Variants in STIM2 observed in about 807,000 individuals in gnomAD.
STIM2 encodes stromal interaction molecule 2.
STIM2 carries 31 observed loss-of-function variants against 85.8 expected under a neutral mutation model. The observed-to-expected ratio is 0.36, with a 90% confidence interval of 0.27 to 0.49. The LOEUF is 0.49. STIM2 is among the 20% of genes least tolerant of loss of function. The pLI, the probability that STIM2 is intolerant of heterozygous loss-of-function variation, is 0.98. For missense variants in STIM2, 841 were observed against 927.6 expected (o/e 0.91, Z 1.21); for synonymous variants, 356 against 331.1 (o/e 1.08, Z -0.82).
intron 1 of STIM2, among the ~76,000 whole-genome samples, chr4:26,862,318 GTT>G (rs71186494): frequency 0.26 from 37,200 of 145,488 alleles, 5,229 homozygotes; most frequent in Middle Eastern, 0.38. Flanking sequence ...TAAAATAATG[GTT>G]TTTTTTTTTT....
intron 1 of STIM2, among the ~76,000 whole-genome samples, chr4:26,874,610 TA>T (rs2109031399): frequency 6.6e-6 from 1 of 152,328 alleles, no homozygotes; most frequent in Non-Finnish European, 1.5e-5. Flanking sequence ...TTTTCGAGTT[TA>T]GGGAAATAAA....
At chr4:26,916,394 A>G (rs1223657707) in intron 1 of STIM2, among the ~76,000 whole-genome samples, 1 of 152,142 alleles carries the variant, frequency 6.6e-6, no homozygotes, top group Non-Finnish European at 1.5e-5. Flanking sequence ...CCTTGGAGGC[A>G]TGGTCTGTTG....
chr4:26,896,942 C>T (rs1247802084), intron 1 of STIM2, among the ~76,000 whole-genome samples: 1 of 152,148 alleles, frequency 6.6e-6, no homozygotes, highest in Admixed American at 6.5e-5. Context: ...TTAATGGAAT[C>T]CTAGATTATG....
intron 1 of STIM2, among the ~76,000 whole-genome samples, chr4:26,908,824 C>T (rs1464198183): frequency 6.6e-6 from 1 of 152,152 alleles, no homozygotes; most frequent in East Asian, 1.9e-4. Flanking sequence ...GCTCTATTTC[C>T]ACTTTATCCT....
chr4:26,960,878 A>G (rs1189015998), intron 3 of STIM2, among the ~76,000 whole-genome samples: 2 of 152,156 alleles, frequency 1.3e-5, no homozygotes, highest in African/African-American at 2.4e-5. Context: ...AGCCTGGCCA[A>G]CATGGCAAAA....
chr4:27,005,280 G>A (rs568899991), intron 7 of STIM2, among the ~76,000 whole-genome samples: 19 of 152,264 alleles, frequency 1.2e-4, no homozygotes, highest in Middle Eastern at 3.4e-3. Context: ...TATGTTTTGT[G>A]TGATTTAAGT....
chr4:26,894,258 A>G (rs1723611242), intron 1 of STIM2, among the ~76,000 whole-genome samples: 1 of 151,642 alleles, frequency 6.6e-6, no homozygotes, highest in Non-Finnish European at 1.5e-5. Flanking sequence ...TTGTCTTTTT[A>G]TATACTTATG....
Position 26,860,893 on chromosome 4 carries a change from C to T in STIM2, c.-326C>T. ...GCAGCAGCGCGGGTGTCGTGCACCG[C>T]CTGAAGACGCCGTACCTTTCTACCC... is the stretch of plus-strand genomic sequence containing the variant. On this transcript the variant is annotated 5_prime_UTR_variant, in exon 1 of 12. Transcript: ENST00000467087. The T allele has an allele frequency of 1.9e-6, 2 of 1,042,726 alleles. No individual in the cohort carries two copies. The highest frequency in any genetic ancestry group is 2.4e-6 in the Non-Finnish European group (2 of 848,358). The allele number at this position is 1,042,726 out of a possible 1,614,324, so 64.6% of individuals were successfully genotyped here. A position where few individuals can be genotyped will look rare whatever the true frequency, so the allele number is the denominator to read the frequency against.
chr4:27,004,489 C>T (rs35499018), intron 7 of STIM2, among the ~76,000 whole-genome samples: 1 of 151,796 alleles, frequency 6.6e-6, no homozygotes, highest in African/African-American at 2.4e-5. Context: ...TGGTATATTT[C>T]TGTCTTTCTA....
chr4:26,873,794 G>T, intron 1 of STIM2: 2 of 854,314 alleles, frequency 2.3e-6, no homozygotes, highest in Non-Finnish European at 3.9e-6. Context: ...TCTGTCAAGG[G>T]GTAAGGGGCT....
intron 1 of STIM2, among the ~76,000 whole-genome samples, chr4:26,896,620 A>C (rs911049892): frequency 1.3e-5 from 2 of 152,190 alleles, no homozygotes; most frequent in African/African-American, 4.8e-5. Flanking sequence ...TGAATCTTCC[A>C]ATTTTAAAAT....
chr4:26,898,661 C>T (rs531949754), intron 1 of STIM2, among the ~76,000 whole-genome samples: 3 of 152,204 alleles, frequency 2.0e-5, no homozygotes, highest in African/African-American at 7.2e-5. Flanking sequence ...AGGAGAAATG[C>T]TCATTTTTTT....
intron 2 of STIM2, among the ~76,000 whole-genome samples, chr4:26,956,782 G>A (rs1726259552): frequency 6.6e-6 from 1 of 152,118 alleles, no homozygotes; most frequent in Non-Finnish European, 1.5e-5. Flanking sequence ...AAAAATGAAT[G>A]CAGTGATATT....
chr4:26,933,555 CTG>C (rs1318325799), intron 2 of STIM2, among the ~76,000 whole-genome samples: 1 of 151,854 alleles, frequency 6.6e-6, no homozygotes, highest in Non-Finnish European at 1.5e-5. Context: ...TTTTTCCAAA[CTG>C]TTTTTATATT....
intron 1 of STIM2, among the ~76,000 whole-genome samples, chr4:26,895,423 A>T (rs10805267): frequency 1.3e-4 from 20 of 152,284 alleles, no homozygotes; most frequent in East Asian, 3.9e-4. Context: ...CCAATGTTTA[A>T]AATAACAAAT....
chr4:26,874,806 ATG>A (rs1190928237), intron 1 of STIM2, among the ~76,000 whole-genome samples: 5 of 152,198 alleles, frequency 3.3e-5, no homozygotes, highest in African/African-American at 1.2e-4. Flanking sequence ...AAATGTTTGA[ATG>A]TCTGCTGTGT....
At chr4:26,875,031 T>G (rs971250454) in intron 1 of STIM2, among the ~76,000 whole-genome samples, 2 of 152,230 alleles carry the variant, frequency 1.3e-5, no homozygotes, top group Non-Finnish European at 2.9e-5. Context: ...GCAGATTCCT[T>G]TAATTGAAGC....
intron 5 of STIM2, 101 bp from the exon 6 acceptor site, chr4:27,002,116 A>G (rs1293824136): frequency 2.7e-6 from 3 of 1,092,140 alleles, no homozygotes; most frequent in Non-Finnish European, 3.8e-6. Flanking sequence ...GAGATCTCCA[A>G]TTTTTGGTTT....
chr4:26,921,090 A>G (rs1013232446), intron 2 of STIM2, among the ~76,000 whole-genome samples: 2 of 152,166 alleles, frequency 1.3e-5, no homozygotes, highest in Non-Finnish European at 2.9e-5. Flanking sequence ...CAATATGACT[A>G]GTGTTCTGCT....
Sources: gnomAD v4.1 joint callset for allele counts (sites outside exome capture counted in the v4.1 genomes callset) on GRCh38, gnomAD v4.1.1 for gene constraint, MANE v1.5 for transcripts, NCBI Gene and HGNC (gene_info 2026-07-23, HGNC 2026-07-21) for gene names.